Variants in INPP5B observed in about 807,000 individuals in gnomAD.
INPP5B encodes inositol polyphosphate-5-phosphatase B.
Under a neutral mutation model 118.5 loss-of-function variants are expected in INPP5B, and 90 were observed. The observed-to-expected ratio is 0.76, with a 90% CI of 0.64 to 0.90. The LOEUF is 0.90. INPP5B is among the 40% of genes least tolerant of loss of function. The pLI, the probability that INPP5B is intolerant of heterozygous loss-of-function variation, is 0.00. For synonymous variants in INPP5B, 385 were observed against 418.9 expected (o/e 0.92, Z 0.99); for missense variants, 984 against 1,125.6 (o/e 0.87, Z 1.80).
chr1:37,904,434 G>C (rs1007661083), intron 7 of INPP5B, among the ~76,000 whole-genome samples: 1 of 152,194 alleles, frequency 6.6e-6, no homozygotes, highest in Non-Finnish European at 1.5e-5. Context: ...GAAAGTTTAA[G>C]AGTTTGTTAA....
rs1646022479 is a variant in INPP5B at position 37,943,776 on chromosome 1, C to T, written c.250+20G>A. ...GGGGCCCATAGGAGAGGATTCATAC[C>T]ACCCAGCCCCCTGTGGCACCTTCTT... On this transcript the variant is annotated intron_variant, in intron 4 of 23. Coordinates refer to ENST00000373024, the MANE Select transcript of INPP5B (RefSeq NM_005540.3). 1 of 1,612,562 alleles carries T rather than the reference C, an allele frequency of 6.2e-7. No individual in the cohort carries two copies. Among genetic ancestry groups the T allele is most frequent in the African/African-American group, 1.3e-5 (1 of 74,862 alleles).
At chr1:37,917,615 T>C in intron 7 of INPP5B, among the ~76,000 whole-genome samples, 1 of 151,712 alleles carries the variant, frequency 6.6e-6, no homozygotes, top group East Asian at 2.0e-4. Flanking sequence ...TGAGCCACTG[T>C]GCCCAGCCAA....
rs1641666039 is a variant in INPP5B, at chr1:37,861,045, T to G, written c.*1270A>C. The G allele has an allele frequency of 6.6e-6, 1 of 152,154 alleles. No individual in the cohort carries two copies. Among genetic ancestry groups the G allele is most frequent in the Admixed American group, 6.5e-5 (1 of 15,276 alleles). 9.4% of individuals were successfully genotyped at this position (152,154 alleles called of 1,614,324 possible). On this transcript the variant is annotated 3_prime_UTR_variant, in exon 24 of 24. Transcript: ENST00000373024. ...GGTCTCCCTGTGTTGCCCAGCCTGG[T>G]CCCAAACTCCTGGTCTCAAGTGATG...
rs1644011921 is a variant in INPP5B, at chr1:37,895,728, T to C, written c.533-4274A>G. 2.0e-5 allele frequency among the ~76,000 whole-genome samples: 3 copies of C among 152,296 alleles called. No homozygotes were observed. The South Asian group carries it at 6.2e-4, about 32-fold the overall frequency. On this transcript the variant is annotated intron_variant, in intron 7 of 23. Transcript: ENST00000373024. ...CGGGGATTCGCTGTGTTGGCCGGGC[T>C]GGTCTCCAGCTCCTAACCGCGAGTG...
At chr1:37,900,260 G>A (rs1473821225) in intron 7 of INPP5B, among the ~76,000 whole-genome samples, 1 of 146,518 alleles carries the variant, frequency 6.8e-6, no homozygotes, top group African/African-American at 2.5e-5. Context: ...TTTTGTTTTC[G>A]GTTTTTTTTT....
chr1:37,918,100 C>T (rs569068361), intron 7 of INPP5B, among the ~76,000 whole-genome samples: 1 of 152,114 alleles, frequency 6.6e-6, no homozygotes, highest in Non-Finnish European at 1.5e-5. Context: ...TCTCCTTGGC[C>T]CCCCAGAGAG....
At chr1:37,924,942 G>A (rs1645176550) in intron 7 of INPP5B, among the ~76,000 whole-genome samples, 1 of 152,224 alleles carries the variant, frequency 6.6e-6, no homozygotes, top group Non-Finnish European at 1.5e-5. Flanking sequence ...GGGAGGCCAA[G>A]GTGGGCAGAT....
intron 5 of INPP5B, chr1:37,941,958 A>ATAT (rs1553163168): frequency 6.6e-5 from 2 of 30,388 alleles, no homozygotes; most frequent in African/African-American, 3.0e-4. Context: ...AAAAAAAAAA[A>ATAT]ATATATATAT....
intron 5 of INPP5B, among the ~76,000 whole-genome samples, chr1:37,942,911 A>AAGAG (rs376627170): frequency 2.7e-4 from 39 of 147,010 alleles, no homozygotes; most frequent in African/African-American, 8.7e-4. Flanking sequence ...TCTGTCAAGA[A>AAGAG]AGAGAGAGAG....
At chr1:37,880,059 A>G (rs1435161339) in intron 15 of INPP5B, 26 bp downstream of exon 15, 1 of 1,519,910 alleles carries the variant, frequency 6.6e-7, no homozygotes, top group Non-Finnish European at 9.1e-7. Flanking sequence ...CGTTTGCTCA[A>G]CCCTTTGAAG....
At chr1:37,866,671 A>G in intron 20 of INPP5B, 128 bp from the exon 21 acceptor site, 1 of 663,532 alleles carries the variant, frequency 1.5e-6, no homozygotes, top group East Asian at 2.7e-5. Flanking sequence ...ATCACCTGAC[A>G]GATGATCTGA....
intron 7 of INPP5B, among the ~76,000 whole-genome samples, chr1:37,925,947 C>T (rs1557706065): frequency 6.6e-6 from 1 of 152,138 alleles, no homozygotes; most frequent in Non-Finnish European, 1.5e-5. Flanking sequence ...GAGCTTCCCA[C>T]AACGGTGGAA....
In INPP5B at chr1:37,889,624, G is replaced by C. The variant is rs756079408; in HGVS notation, c.730C>G (p.Arg244Gly). The C allele has an allele frequency of 1.2e-6, 2 of 1,613,632 alleles. No homozygotes were observed. Among genetic ancestry groups the C allele is most frequent in the East Asian group, 4.5e-5 (2 of 44,866 alleles). Reference sequence around the variant, plus strand: ...AGATGTGATTTCACAATTGTATCTCGCAGTCCAAACTTCTGCATGGATAAA... The same window carrying C: ...AGATGTGATTTCACAATTGTATCTCCCAGTCCAAACTTCTGCATGGATAAA... ...HILSMQKFGL[R>G]DTIVKSHLLQ... The change falls in exon 9 of 24, where the codon CGA (arginine) becomes GGA (glycine). Residue 244 changes from arginine to glycine, a missense_variant. Arg to Gly is a moderately radical substitution (Grantham distance 125, BLOSUM62 -2). Transcript: ENST00000373024.
At chr1:37,905,088 T>C (rs887789704) in intron 7 of INPP5B, among the ~76,000 whole-genome samples, 1 of 152,044 alleles carries the variant, frequency 6.6e-6, no homozygotes, top group Non-Finnish European at 1.5e-5. Flanking sequence ...TTGGCTTTCA[T>C]TGGGCTGTAT....
In INPP5B at chr1:37,862,349, T is replaced by A. The variant is rs2148434872; in HGVS notation, c.2708A>T (p.Glu903Val). ...GTTGCAGAGGAACTGGTGAATAAAT[T>A]CTTGAGCCTTCTTCTTCTCTGTCAT... The part of the protein sequence containing the change: ...LDMTEKKKAQ[E>V]FIHQFLCNPL The change falls in exon 24 of 24, where the codon GAA (glutamate) becomes GTA (valine). Residue 903 changes from glutamate (E) to valine (V), a missense_variant. Physicochemically the swap from Glu to Val is moderately radical, Grantham distance 121 (BLOSUM62 -2). This residue lies in a region of INPP5B where 634 missense variants were observed against 791.0 expected (regional missense o/e 0.80). Coordinates refer to ENST00000373024, the MANE Select transcript of INPP5B (RefSeq NM_005540.3). 1.2e-6 allele frequency: 2 copies of A among 1,613,980 alleles called. No homozygotes were observed. The highest frequency in any genetic ancestry group is 4.5e-5 in the East Asian group (2 of 44,878).
chr1:37,866,885 T>C (rs1239663175), intron 20 of INPP5B, among the ~76,000 whole-genome samples: 1 of 152,224 alleles, frequency 6.6e-6, no homozygotes, highest in Non-Finnish European at 1.5e-5. Context: ...AAATATACAG[T>C]GCATAAGAGC....
chr1:37,876,866 C>G (rs1019802371), intron 16 of INPP5B, among the ~76,000 whole-genome samples: 1 of 151,332 alleles, frequency 6.6e-6, no homozygotes, highest in Admixed American at 6.6e-5. Context: ...GGTGACAGAG[C>G]AAGACTCCAT....
intron 10 of INPP5B, 33 bp downstream of exon 10, chr1:37,888,210 A>C: frequency 7.5e-7 from 1 of 1,331,108 alleles, no homozygotes; most frequent in African/African-American, 1.5e-5. Context: ...GTGTGCTTGA[A>C]GATGGAGAGG....
chr1:37,892,228 ATAT>A (rs1367052157), intron 7 of INPP5B, among the ~76,000 whole-genome samples: 1 of 152,208 alleles, frequency 6.6e-6, no homozygotes, highest in African/African-American at 2.4e-5. Context: ...GCAATACAAC[ATAT>A]TATAAAACAT....
Sources: gnomAD v4.1 joint callset for allele counts (sites outside exome capture counted in the v4.1 genomes callset) on GRCh38, gnomAD v4.1.1 for gene constraint, gnomAD v4.1.1 regional missense constraint, MANE v1.5 for transcripts, NCBI Gene and HGNC (gene_info 2026-07-23, HGNC 2026-07-21) for gene names.